The following ADGB variants were observed in gnomAD, a reference collection of about 807,000 sequenced individuals.
ADGB encodes the protein calpain-7-like protein.
ADGB carries 172 observed loss-of-function variants against 210.5 expected under a neutral mutation model. The observed-to-expected ratio is 0.82, with a 90% CI of 0.72 to 0.93. ADGB has a LOEUF of 0.93. Ranked by LOEUF, ADGB falls within the 40% of genes least tolerant of loss-of-function variation. The pLI, the probability that ADGB is intolerant of heterozygous loss-of-function variation, is 0.00. For missense variants in ADGB, 2,025 were observed against 1,964.8 expected (o/e 1.03, Z -0.58); for synonymous variants, 658 against 662.7 (o/e 0.99, Z 0.11).
At chr6:146,803,907 G>A in intron 35 of ADGB, 1 of 294,828 alleles carries the variant, frequency 3.4e-6, no homozygotes, top group Admixed American at 4.9e-5. Flanking sequence ...TCCTCAGAAT[G>A]CCTACAGAAT....
chr6:146,779,676 A>G (rs1777771521), intron 29 of ADGB, among the ~76,000 whole-genome samples: 1 of 152,180 alleles, frequency 6.6e-6, no homozygotes, highest in Non-Finnish European at 1.5e-5. Flanking sequence ...ATAACTGCAA[A>G]GAAAATTATC....
At chr6:146,716,308 A>AACAAATTCGTCAAAGTAATTCT (rs1554238215) in intron 14 of ADGB, among the ~76,000 whole-genome samples, 1 of 148,136 alleles carries the variant, frequency 6.8e-6, no homozygotes, top group African/African-American at 2.7e-5. Context: ...AGAATCTGTG[A>AACAAATTCGTCAAAGTAATTCT]GGGCCGGGCG....
At position 146,769,000 on chromosome 6, in the gene ADGB, C is replaced by T; in HGVS notation, c.3751-20C>T. On this transcript the variant is annotated intron_variant, in intron 28 of 35. Transcript: ENST00000397944. ...CATGTATGTTCTTATCATTTTTAAA[C>T]ACTGCATTTTATTTCACAGAATTAC... 1 of 1,307,212 alleles carries T rather than the reference C, an allele frequency of 7.6e-7. No homozygotes were observed. The highest frequency in any genetic ancestry group is 1.1e-6 in the Non-Finnish European group (1 of 945,412). 81.0% of individuals were successfully genotyped at this position (1,307,212 alleles called of 1,614,324 possible).
chr6:146,649,852 A>G (rs573022740), intron 3 of ADGB, among the ~76,000 whole-genome samples: 17 of 152,300 alleles, frequency 1.1e-4, no homozygotes, highest in African/African-American at 4.1e-4. Flanking sequence ...GAACTTGAAA[A>G]GCATCTGGAC....
chr6:146,713,663 AT>A (rs1396572038), intron 13 of ADGB, among the ~76,000 whole-genome samples: 1 of 151,960 alleles, frequency 6.6e-6, no homozygotes. Context: ...CAGATATGTA[AT>A]TTGCAAATAT....
intron 23 of ADGB, among the ~76,000 whole-genome samples, chr6:146,740,009 TA>T (rs1777140432): frequency 2.0e-5 from 3 of 152,366 alleles, no homozygotes; most frequent in Admixed American, 2.0e-4. Flanking sequence ...CTTAAATTTT[TA>T]AAATCTATTT....
intron 35 of ADGB, among the ~76,000 whole-genome samples, chr6:146,813,112 CT>C (rs1425244868): frequency 1.3e-5 from 2 of 152,104 alleles, no homozygotes; most frequent in African/African-American, 4.8e-5. Flanking sequence ...AGTTTTTTGC[CT>C]CTAAGCCCCT....
At chr6:146,686,050 A>G (rs1776227716) in intron 10 of ADGB, among the ~76,000 whole-genome samples, 1 of 152,104 alleles carries the variant, frequency 6.6e-6, no homozygotes, top group Admixed American at 6.6e-5. Flanking sequence ...ATTATAAAAA[A>G]GGAAAAGAAA....
intron 1 of ADGB, among the ~76,000 whole-genome samples, chr6:146,606,972 T>C (rs894684369): frequency 1.3e-5 from 2 of 152,202 alleles, no homozygotes; most frequent in Non-Finnish European, 2.9e-5. Flanking sequence ...GCATTACATC[T>C]CTAAATTGCT....
chr6:146,791,594 C>T (rs1401938845), intron 33 of ADGB, among the ~76,000 whole-genome samples: 1 of 152,164 alleles, frequency 6.6e-6, no homozygotes, highest in Non-Finnish European at 1.5e-5. Context: ...CCTCCAGCCT[C>T]AGCCTCCTAA....
chr6:146,709,368 G>T (rs1229869286), intron 13 of ADGB, among the ~76,000 whole-genome samples: 1 of 152,144 alleles, frequency 6.6e-6, no homozygotes, highest in Non-Finnish European at 1.5e-5. Context: ...GCCTTGTCTG[G>T]GAAAGCCCTT....
intron 14 of ADGB, 33 bp downstream of exon 14, chr6:146,715,448 A>G (rs1776718391): frequency 6.9e-7 from 1 of 1,445,832 alleles, no homozygotes; most frequent in Non-Finnish European, 9.3e-7. Flanking sequence ...ACTTTTTTCA[A>G]TGTACATCAA....
chr6:146,687,370 CAT>C (rs1776246638), intron 10 of ADGB, among the ~76,000 whole-genome samples: 1 of 152,042 alleles, frequency 6.6e-6, no homozygotes, highest in African/African-American at 2.4e-5. Flanking sequence ...TGCTCTAACT[CAT>C]TGGACTGCTG....
At chr6:146,657,330 A>AAG (rs776781727) in intron 5 of ADGB, among the ~76,000 whole-genome samples, 5 of 151,174 alleles carry the variant, frequency 3.3e-5, no homozygotes, top group East Asian at 1.9e-4. Flanking sequence ...CAAAAAAAAA[A>AAG]AAAGAAAGAA....
chr6:146,784,798 A>G lies in ADGB; in HGVS notation c.4212+4A>G. On this transcript the variant is annotated splice_donor_region_variant and intron_variant, in intron 31 of 35. Coordinates refer to ENST00000397944, the MANE Select transcript of ADGB (RefSeq NM_024694.4). ...TGAGCCAGGAAGAGCAATCAAGGTC[A>G]CCTGATTTCGAAAAGCTGTCATCTT... The G allele has an allele frequency of 6.5e-7, 1 of 1,539,872 alleles. No individual in the cohort carries two copies. The highest frequency in any genetic ancestry group is 8.8e-7 in the Non-Finnish European group (1 of 1,142,816).
Position 146,656,944 on chromosome 6 carries a change from T to C in ADGB, c.576T>C (p.Asn192=), listed in dbSNP as rs1471094861. The change falls in exon 5 of 36, where the codon AAT becomes AAC. Residue 192 remains asparagine (N), a synonymous_variant. Coordinates refer to ENST00000397944, the MANE Select transcript of ADGB (RefSeq NM_024694.4). ...KAVKGHMPLF[N]SYGKYVVKLY... The stretch of plus-strand genomic sequence containing the variant: ...TGAAGGGTCATATGCCTTTGTTCAA[T>C]AGCTATGGAAAGTATGTTGTGAAAC... The C allele has an allele frequency of 6.4e-7, 1 of 1,551,556 alleles. No individual in the cohort carries two copies. The highest frequency in any genetic ancestry group is 1.4e-5 in the African/African-American group (1 of 73,166).
At chr6:146,775,174 G>T (rs1777704085) in intron 29 of ADGB, among the ~76,000 whole-genome samples, 1 of 151,978 alleles carries the variant, frequency 6.6e-6, no homozygotes, top group African/African-American at 2.4e-5. Context: ...AGTTAAATTT[G>T]ATATTCATCC....
chr6:146,666,502 T>C (rs1775938070), intron 6 of ADGB, among the ~76,000 whole-genome samples: 1 of 151,964 alleles, frequency 6.6e-6, no homozygotes, highest in South Asian at 2.1e-4. Context: ...TATACAAAAA[T>C]GGATTATATT....
intron 13 of ADGB, among the ~76,000 whole-genome samples, chr6:146,714,710 T>G (rs542878692): frequency 1.3e-5 from 2 of 152,174 alleles, no homozygotes; most frequent in East Asian, 1.9e-4. Context: ...TACCTGCTAA[T>G]TGCTTCTGAG....
Sources: gnomAD v4.1 joint callset for allele counts (sites outside exome capture counted in the v4.1 genomes callset) on GRCh38, gnomAD v4.1.1 for gene constraint, MANE v1.5 for transcripts, NCBI Gene and HGNC (gene_info 2026-07-23, HGNC 2026-07-21) for gene names.